CDK11A: variants seen among roughly 807,000 people sequenced by gnomAD.
CDK11A encodes the protein cyclin-dependent kinase 11A.
CDK11A carries 55 observed loss-of-function variants against 83.6 expected under a neutral mutation model. The ratio of observed to expected loss-of-function variants is 0.66; its 90% CI spans 0.53 to 0.82. The LOEUF is 0.82. CDK11A is among the 40% of genes least tolerant of loss of function. The pLI is 0.00. For synonymous variants in CDK11A, 247 were observed against 302.7 expected (o/e 0.82, Z 1.91); for missense variants, 564 against 810.1 (o/e 0.70, Z 3.69).
At chr1:1,723,297 G>A (rs1397269825) in intron 1 of CDK11A, among the ~76,000 whole-genome samples, 2 of 64,236 alleles carry the variant, frequency 3.1e-5, no homozygotes, top group Non-Finnish European at 8.0e-5. Flanking sequence ...AGGTCGGGAG[G>A]TCAAGACCAG....
chr1:1,719,123 T>A (rs1644798666), intron 4 of CDK11A: 1 of 362,976 alleles, frequency 2.8e-6, no homozygotes, highest in Non-Finnish European at 4.9e-6. Flanking sequence ...TTGCTCTCTA[T>A]AGCCCCTCTG....
At position 1,710,705 on chromosome 1, in the gene CDK11A, G is replaced by A. The variant is rs895682844; in HGVS notation, c.626-1065C>T. Among the ~76,000 whole-genome samples the A allele has an allele frequency of 1.1e-4, 17 of 150,756 alleles. 2 individuals carry two copies. The highest frequency in any genetic ancestry group is 4.1e-4 in the African/African-American group (17 of 41,048). On this transcript the variant is annotated intron_variant, in intron 6 of 19. Transcript: ENST00000404249. ...TTTAGGGAACTGTCTTAAACCTTCA[G>A]TTCCTCAGAGAACGAAAGGAAGATG...
rs1239813871 is a variant in CDK11A at position 1,704,073 on chromosome 1, C to A, written c.1760G>T (p.Trp587Leu). 3.8e-6 allele frequency: 6 copies of A among 1,596,700 alleles called. No homozygotes were observed. The highest frequency in any genetic ancestry group is 4.3e-6 in the Non-Finnish European group (5 of 1,169,550). Reference protein sequence around the residue: ...KAYTPVVVTQWYRAPELLLGA... With the variant: ...KAYTPVVVTQLYRAPELLLGA... ...AAGCAGCAGCTCTGGGGCGCGGTAC[C>A]ACTGGGTCACCACGACCGGGGTGTA... Residue 587 changes from tryptophan to leucine, a missense_variant, in exon 16 of 20, where the codon TGG (tryptophan) becomes TTG (leucine). Coordinates refer to ENST00000404249, the MANE Select transcript of CDK11A (RefSeq NM_024011.4).
At chr1:1,703,661 G>A in intron 17 of CDK11A, 37 bp from the exon 18 acceptor site, 1 of 1,575,894 alleles carries the variant, frequency 6.3e-7, no homozygotes, top group Non-Finnish European at 8.6e-7. Flanking sequence ...CACACCAAGT[G>A]GCCCACAGTG....
At chr1:1,716,710 G>T (rs114176685) in intron 4 of CDK11A, among the ~76,000 whole-genome samples, 2,867 of 148,940 alleles carry the variant, frequency 0.019, 163 homozygotes, top group African/African-American at 0.066. Context: ...GGTACTAAGG[G>T]AGGCTGAGGC....
rs1171067414 is a variant in CDK11A at position 1,702,634 on chromosome 1, G to A, written c.*273C>T. ...TCCAAATCACGGCCCAGCCAGCCCC[G>A]TGCGTGTCGAGAGTGGGAGAGGGTG... On this transcript the variant is annotated 3_prime_UTR_variant, in exon 20 of 20. Coordinates refer to ENST00000404249, the MANE Select transcript of CDK11A (RefSeq NM_024011.4). The A allele has an allele frequency of 5.1e-5, 27 of 524,736 alleles. No homozygotes were observed. The highest frequency in any genetic ancestry group is 5.3e-4 in the Middle Eastern group (1 of 1,902). 32.5% of individuals were successfully genotyped at this position (524,736 alleles called of 1,614,324 possible). A position where few individuals can be genotyped will look rare whatever the true frequency, so the allele number is the denominator to read the frequency against.
chr1:1,714,679 G>C (rs1210217093), intron 5 of CDK11A, among the ~76,000 whole-genome samples: 3 of 128,728 alleles, frequency 2.3e-5, no homozygotes, highest in Non-Finnish European at 5.2e-5. Flanking sequence ...AAAAAGGCTG[G>C]GCTCAAATAC....
At chr1:1,706,220 G>T (rs1472120916) in intron 11 of CDK11A, among the ~76,000 whole-genome samples, 1 of 150,062 alleles carries the variant, frequency 6.7e-6, no homozygotes, top group African/African-American at 2.5e-5. Flanking sequence ...GTATAGGTAC[G>T]CACCACCACG....
rs867773847 is a variant in CDK11A at position 1,715,760 on chromosome 1, C to T, written c.488+586G>A. Among the ~76,000 whole-genome samples, 34 of 151,270 alleles carry T rather than the reference C, an allele frequency of 2.2e-4. 1 individual carries two copies. The highest frequency in any genetic ancestry group is 1.5e-3 in the Admixed American group (23 of 15,128). ...CTCTGAAGGCGGAGATGGGCCTGCT[C>T]GCACCTGGCCTACAGCCTTTTTCCT... On this transcript the variant is annotated intron_variant, in intron 5 of 19. Coordinates refer to ENST00000404249, the MANE Select transcript of CDK11A (RefSeq NM_024011.4).
chr1:1,720,693 G>A (rs552085641), intron 3 of CDK11A, among the ~76,000 whole-genome samples: 23 of 54,634 alleles, frequency 4.2e-4, no homozygotes, highest in African/African-American at 6.9e-4. Context: ...CATCGCACCC[G>A]GACTTATTAT....
rs576677151 is a variant in CDK11A, at chr1:1,704,114, T to C, written c.1719A>G (p.Gly573=). Residue 573 remains glycine, a synonymous_variant, in exon 16 of 20, where the codon GGA becomes GGG. Coordinates refer to ENST00000404249, the MANE Select transcript of CDK11A (RefSeq NM_024011.4). ...VGDFGLAREY[G]SPLKAYTPVV... ...CCGGGGTGTAGGCCTTCAGAGGGGA[T>C]CCGTACTCCCGCGCCAGCCCAAAAT... The C allele has an allele frequency of 5.4e-5, 86 of 1,602,858 alleles. 3 individuals carry two copies. The East Asian group carries it at 1.8e-3, about 34-fold the overall frequency.
At position 1,721,569 on chromosome 1, in the gene CDK11A, G is replaced by A; in HGVS notation, c.227+27C>T. 5.6e-6 allele frequency: 9 copies of A among 1,599,500 alleles called. 2 individuals carry two copies. Among genetic ancestry groups the A allele is most frequent in the Non-Finnish European group, 7.7e-6 (9 of 1,169,418 alleles). On this transcript the variant is annotated intron_variant, in intron 3 of 19. Transcript: ENST00000404249. ...CCAGGCCAGGGCTGTGTACAGTTGG[G>A]TCTTGCACATCTGTACATCCGCTCA...
chr1:1,715,785 T>G lies in CDK11A; in HGVS notation c.488+561A>C, dbSNP rs77308714. On this transcript the variant is annotated intron_variant, in intron 5 of 19. Coordinates refer to ENST00000404249, the MANE Select transcript of CDK11A (RefSeq NM_024011.4). Reference sequence around the variant, plus strand: ...CGCACCTGGCCTACAGCCTTTTTCCTGGTTCACAGAACAGATCTGGGGCTA... The same window carrying G: ...CGCACCTGGCCTACAGCCTTTTTCCGGGTTCACAGAACAGATCTGGGGCTA... 4.8e-3 allele frequency among the ~76,000 whole-genome samples: 725 copies of G among 151,278 alleles called. 20 individuals carry two copies. The East Asian group carries it at 0.11, about 23-fold the overall frequency.
intron 2 of CDK11A, chr1:1,722,457 T>G: frequency 1.4e-6 from 1 of 696,212 alleles, no homozygotes; most frequent in Non-Finnish European, 2.4e-6. Context: ...CGAGAAAAAT[T>G]AGTCCAGTTT....
chr1:1,705,728 CA>C lies in CDK11A; in HGVS notation c.1249del (p.Cys417AlafsTer10), dbSNP rs1248469730. ...GCACTGGAACTCCTCGACGCTCCGG[CA>C]GCCCTGGGAAGGAAGCGCCTGTGTG... is the stretch of plus-strand genomic sequence containing the variant. ...LPKYLPALQG[C>X]RSVEEFQCLN... On this transcript the variant is annotated frameshift_variant, in exon 12 of 20. Coordinates refer to ENST00000404249, the MANE Select transcript of CDK11A (RefSeq NM_024011.4). LOFTEE classifies it high-confidence loss of function. The C allele has an allele frequency of 2.3e-5, 13 of 568,576 alleles. 2 individuals carry two copies. Among genetic ancestry groups the C allele is most frequent in the Non-Finnish European group, 3.3e-5 (11 of 333,016 alleles). The allele number at this position is 568,576 out of a possible 1,614,324, so 35.2% of individuals were successfully genotyped here. A position where few individuals can be genotyped will look rare whatever the true frequency, so the allele number is the denominator to read the frequency against.
In CDK11A at chr1:1,704,149, G is replaced by A. The variant is rs370149583; in HGVS notation, c.1687-3C>T. The A allele has an allele frequency of 1.2e-6, 2 of 1,606,604 alleles. No individual in the cohort carries two copies. Among genetic ancestry groups the A allele is most frequent in the Admixed American group, 1.7e-5 (1 of 59,712 alleles). On this transcript the variant is annotated splice_polypyrimidine_tract_variant and splice_region_variant and intron_variant, in intron 15 of 19. Transcript: ENST00000404249. Reference sequence around the variant, plus strand: ...CGCGCCAGCCCAAAATCACCCACCTGCAACGACAGATGGGCGGCTGTGGGT... The same window carrying A: ...CGCGCCAGCCCAAAATCACCCACCTACAACGACAGATGGGCGGCTGTGGGT...
intron 4 of CDK11A, among the ~76,000 whole-genome samples, chr1:1,718,529 GCTCT>G (rs548569455): frequency 2.0e-5 from 3 of 148,982 alleles, no homozygotes; most frequent in Non-Finnish European, 3.0e-5. Flanking sequence ...GCTAGAGTTT[GCTCT>G]CTCTGGTTTT....
At chr1:1,715,195 C>G (rs1644591351) in intron 5 of CDK11A, among the ~76,000 whole-genome samples, 2 of 112,426 alleles carry the variant, frequency 1.8e-5, no homozygotes, top group African/African-American at 5.7e-5. Flanking sequence ...TATCAGTTTC[C>G]TTTTTGTCAG....
intron 2 of CDK11A, 158 bp from the exon 3 acceptor site, chr1:1,721,869 G>A: frequency 1.9e-6 from 2 of 1,070,616 alleles, no homozygotes; most frequent in South Asian, 1.7e-5. Flanking sequence ...AAGAATTTTT[G>A]GCCAGGTGCA....
Sources: gnomAD v4.1 joint callset for allele counts (sites outside exome capture counted in the v4.1 genomes callset) on GRCh38, gnomAD v4.1.1 for gene constraint, MANE v1.5 for transcripts, NCBI Gene and HGNC (gene_info 2026-07-23, HGNC 2026-07-21) for gene names.